The following RARB variants were observed in gnomAD, a reference collection of about 807,000 sequenced individuals.
RARB encodes the protein retinoic acid receptor beta, also known as HBV-activated protein.
RARB carries 17 observed loss-of-function variants against 51.9 expected under a neutral mutation model. The observed-to-expected ratio is 0.33, with a 90% CI of 0.22 to 0.49. The LOEUF (loss-of-function observed/expected upper bound fraction) is 0.49. RARB is among the 20% of genes least tolerant of loss of function. The pLI is 0.99. For missense variants in RARB, 369 were observed against 550.8 expected, an observed-to-expected ratio of 0.67 and a Z score of 3.30; for synonymous variants, 215 against 195.4, an observed-to-expected ratio of 1.10 and a Z score of -0.84.
intron 3 of RARB, among the ~76,000 whole-genome samples, chr3:25,106,451 G>GGTTTTTTTTTTTTTTTTTTTTTTTTTT (rs1575163102): frequency 4.3e-5 from 3 of 70,534 alleles, no homozygotes; most frequent in African/African-American, 1.9e-4. Flanking sequence ...ACTGTTTTTT[G>GGTTTTTTTTTTTTTTTTTTTTTTTTTT]TTTTTTGTTT....
intron 5 of RARB, among the ~76,000 whole-genome samples, chr3:25,345,791 G>A (rs1305729393): frequency 6.6e-6 from 1 of 152,082 alleles, no homozygotes; most frequent in Non-Finnish European, 1.5e-5. Context: ...GTTTCTCAGA[G>A]TGATTGTGCA....
chr3:25,044,766 C>T (rs1311161343), intron 2 of RARB, among the ~76,000 whole-genome samples: 4 of 152,150 alleles, frequency 2.6e-5, no homozygotes, highest in Middle Eastern at 3.4e-3. Context: ...ATTCCACAAC[C>T]AAATAGAACT....
At chr3:25,531,259 A>G (rs1255607130) in intron 3 of RARB, among the ~76,000 whole-genome samples, 1 of 152,144 alleles carries the variant, frequency 6.6e-6, no homozygotes, top group Non-Finnish European at 1.5e-5. Context: ...CATGGGTTCC[A>G]GGGCCAAAGA....
At chr3:24,948,819 T>C (rs1199036260) in intron 2 of RARB, among the ~76,000 whole-genome samples, 1 of 152,214 alleles carries the variant, frequency 6.6e-6, no homozygotes, top group African/African-American at 2.4e-5. Context: ...CTTCTTGTCA[T>C]GTGTGACGTG....
chr3:25,325,082 T>G (rs1222939396), intron 5 of RARB, among the ~76,000 whole-genome samples: 1 of 152,210 alleles, frequency 6.6e-6, no homozygotes, highest in Non-Finnish European at 1.5e-5. Context: ...ACTTAGTTAT[T>G]GCTTGATTAT....
chr3:25,202,973 C>G (rs1000775102), intron 5 of RARB, among the ~76,000 whole-genome samples: 1 of 152,168 alleles, frequency 6.6e-6, no homozygotes, highest in African/African-American at 2.4e-5. Flanking sequence ...GAGCTGAGTT[C>G]AGTTCCTGGA....
intron 2 of RARB, among the ~76,000 whole-genome samples, chr3:24,891,301 TAGC>T (rs1442441878): frequency 2.0e-5 from 3 of 152,194 alleles, no homozygotes; most frequent in Admixed American, 6.5e-5. Flanking sequence ...ACCCAACTAA[TAGC>T]AGGGGTTCTA....
intron 5 of RARB, among the ~76,000 whole-genome samples, chr3:25,185,027 C>T (rs548821575): frequency 6.6e-6 from 1 of 152,196 alleles, no homozygotes; most frequent in Non-Finnish European, 1.5e-5. Flanking sequence ...ATTAATTATG[C>T]ATTCTAACTT....
intron 5 of RARB, among the ~76,000 whole-genome samples, chr3:25,269,519 G>T (rs969276766): frequency 2.6e-5 from 4 of 152,144 alleles, no homozygotes; most frequent in African/African-American, 9.7e-5. Flanking sequence ...GTTCAATGTG[G>T]ATACTAACAG....
At chr3:25,203,448 T>A (rs1200922859) in intron 5 of RARB, among the ~76,000 whole-genome samples, 1 of 152,196 alleles carries the variant, frequency 6.6e-6, no homozygotes, top group Non-Finnish European at 1.5e-5. Flanking sequence ...GTTAATATTG[T>A]TATGTGTGAA....
chr3:25,281,044 A>G (rs1703508780), intron 5 of RARB, among the ~76,000 whole-genome samples: 1 of 152,242 alleles, frequency 6.6e-6, no homozygotes, highest in South Asian at 2.1e-4. Flanking sequence ...CATTGTGCCT[A>G]TGAAACTGCA....
chr3:25,421,919 C>T (rs945330849), intron 5 of RARB, among the ~76,000 whole-genome samples: 1 of 152,156 alleles, frequency 6.6e-6, no homozygotes, highest in African/African-American at 2.4e-5. Context: ...CACTGCCTCT[C>T]TAATCATTAA....
At chr3:25,502,323 G>C (rs375601143) in intron 3 of RARB, among the ~76,000 whole-genome samples, 2 of 152,302 alleles carry the variant, frequency 1.3e-5, no homozygotes, top group East Asian at 3.9e-4. Context: ...CTTAGATGTT[G>C]GAACTGGGAA....
chr3:25,042,060 T>C (rs190209345), intron 2 of RARB, among the ~76,000 whole-genome samples: 23 of 152,276 alleles, frequency 1.5e-4, no homozygotes, highest in Admixed American at 1.0e-3. Flanking sequence ...TGTGGTAACA[T>C]AGGCAGCACA....
chr3:25,507,402 A>T (rs1292923335), intron 3 of RARB, among the ~76,000 whole-genome samples: 2 of 152,224 alleles, frequency 1.3e-5, no homozygotes, highest in Non-Finnish European at 2.9e-5. Context: ...AGAACAAGTT[A>T]CTCAACTTCT....
intron 2 of RARB, among the ~76,000 whole-genome samples, chr3:24,921,046 C>T (rs1332558979): frequency 6.6e-6 from 1 of 152,088 alleles, no homozygotes; most frequent in Non-Finnish European, 1.5e-5. Flanking sequence ...AAAACCCAAG[C>T]AGGTAAAAGC....
At chr3:24,955,002 G>C (rs905017821) in intron 2 of RARB, among the ~76,000 whole-genome samples, 11 of 152,198 alleles carry the variant, frequency 7.2e-5, no homozygotes, top group African/African-American at 1.9e-4. Context: ...GTGTTAACCA[G>C]CTCAATGGAG....
At chr3:25,523,089 C>T (rs931091340) in intron 3 of RARB, among the ~76,000 whole-genome samples, 2 of 152,156 alleles carry the variant, frequency 1.3e-5, no homozygotes, top group African/African-American at 4.8e-5. Context: ...TTTCAACACA[C>T]AGTGGAATCA....
At chr3:25,489,291 T>A (rs2125590424) in intron 2 of RARB, among the ~76,000 whole-genome samples, 1 of 152,324 alleles carries the variant, frequency 6.6e-6, no homozygotes, top group Middle Eastern at 3.4e-3. Context: ...AGCCTGTGGG[T>A]GAAATTTGAG....
Sources: gnomAD v4.1 joint callset for allele counts (sites outside exome capture counted in the v4.1 genomes callset) on GRCh38, gnomAD v4.1.1 for gene constraint, MANE v1.5 for transcripts, NCBI Gene and HGNC (gene_info 2026-07-23, HGNC 2026-07-21) for gene names.